RNF115: variants seen among roughly 807,000 people sequenced by gnomAD.
The protein encoded by RNF115 is E3 ubiquitin-protein ligase RNF115.
RNF115 carries 31 observed loss-of-function variants against 39.2 expected under a neutral mutation model. The ratio of observed to expected loss-of-function variants is 0.79; its 90% CI spans 0.59 to 1.07. The LOEUF is 1.07. Among genes scored for constraint, RNF115 ranks in the 50% least tolerant of loss-of-function variants. The pLI, the probability that RNF115 is intolerant of heterozygous loss-of-function variation, is 0.00. For synonymous variants in RNF115, 124 were observed against 131.0 expected, an observed-to-expected ratio of 0.95 and a Z score of 0.37; for missense variants, 384 against 381.7, an observed-to-expected ratio of 1.01 and a Z score of -0.05.
rs1477908317 is a variant in RNF115 at position 145,744,434 on chromosome 1, G to C, written c.*2432C>G. On this transcript the variant is annotated 3_prime_UTR_variant, in exon 9 of 9. Coordinates refer to ENST00000582693, the MANE Select transcript of RNF115 (RefSeq NM_014455.4). ...AACAATCACTACAGAGGTGTAATAT[G>C]GGAGGTATATGAAAAAACATATTTT... The C allele has an allele frequency of 6.6e-6, 1 of 152,178 alleles. No homozygotes were observed. The highest frequency in any genetic ancestry group is 1.5e-5 in the Non-Finnish European group (1 of 68,044). 9.4% of individuals were successfully genotyped at this position (152,178 alleles called of 1,614,324 possible). A position where few individuals can be genotyped will look rare whatever the true frequency, so the allele number is the denominator to read the frequency against.
chr1:145,792,476 C>A (rs180893296), intron 1 of RNF115, among the ~76,000 whole-genome samples: 38 of 152,168 alleles, frequency 2.5e-4, no homozygotes, highest in African/African-American at 8.9e-4. Context: ...ACCCACCATG[C>A]CTGGCCCTCA....
chr1:145,800,782 T>C (rs1299621975), intron 1 of RNF115, among the ~76,000 whole-genome samples: 1 of 152,020 alleles, frequency 6.6e-6, no homozygotes, highest in Non-Finnish European at 1.5e-5. Context: ...CACAGAAACA[T>C]GAGAGATAAT....
At position 145,745,946 on chromosome 1, in the gene RNF115, G is replaced by C. The variant is rs1657857997; in HGVS notation, c.*920C>G. 6.6e-6 allele frequency: 1 copy of C among 151,306 alleles called. No homozygotes were observed. The highest frequency in any genetic ancestry group is 2.4e-5 in the African/African-American group (1 of 41,196). 9.4% of individuals were successfully genotyped at this position (151,306 alleles called of 1,614,324 possible). On this transcript the variant is annotated 3_prime_UTR_variant, in exon 9 of 9. Transcript: ENST00000582693. ...TAGTCTTTAAAAATTAAAATAAGAG[G>C]CCAGGCGCAGTGGCTCACGCCTGTA... is the stretch of plus-strand genomic sequence containing the variant.
intron 4 of RNF115, among the ~76,000 whole-genome samples, chr1:145,760,955 T>C (rs1553713758): frequency 6.6e-6 from 1 of 152,150 alleles, no homozygotes; most frequent in Non-Finnish European, 1.5e-5. Flanking sequence ...TGGTCTCAGA[T>C]GGAGATAAGA....
intron 2 of RNF115, 107 bp from the exon 3 acceptor site, chr1:145,784,703 T>C (rs1553717917): frequency 1.1e-6 from 1 of 889,574 alleles, no homozygotes. Flanking sequence ...TAAGGAAAAA[T>C]AACTCATCCC....
chr1:145,771,638 A>T (rs1233975130), intron 4 of RNF115, 73 bp downstream of exon 4: 1 of 1,236,956 alleles, frequency 8.1e-7, no homozygotes, highest in African/African-American at 1.5e-5. Context: ...TGAGACCCTT[A>T]TAAAGATTAG....
intron 4 of RNF115, among the ~76,000 whole-genome samples, chr1:145,769,107 AT>A (rs1273255440): frequency 6.6e-5 from 10 of 152,228 alleles, no homozygotes; most frequent in African/African-American, 2.4e-4. Flanking sequence ...CTAAATAGTT[AT>A]ACTAAAATTT....
intron 1 of RNF115, among the ~76,000 whole-genome samples, chr1:145,796,575 T>G (rs782564163): frequency 9.2e-5 from 14 of 152,158 alleles, no homozygotes; most frequent in Non-Finnish European, 1.9e-4. Context: ...TTTGTAGACA[T>G]GAGGCTTCAC....
intron 1 of RNF115, among the ~76,000 whole-genome samples, chr1:145,793,616 A>G (rs1294392643): frequency 7.7e-6 from 1 of 130,624 alleles, no homozygotes; most frequent in Non-Finnish European, 1.6e-5. Context: ...GCTCTCTCAC[A>G]TGCTTTTTCT....
intron 4 of RNF115, among the ~76,000 whole-genome samples, chr1:145,761,426 G>A (rs1422075471): frequency 2.6e-5 from 4 of 152,202 alleles, no homozygotes; most frequent in Admixed American, 2.6e-4. Context: ...GCAGCCTAGG[G>A]ACTTGGTGCC....
Position 145,823,824 on chromosome 1 carries a change from G to C in RNF115, c.50C>G (p.Ala17Gly), listed in dbSNP as rs1553724941. 11 of 1,582,556 alleles carry C rather than the reference G, an allele frequency of 7.0e-6. No homozygotes were observed. Among genetic ancestry groups the C allele is most frequent in the Non-Finnish European group, 9.4e-6 (11 of 1,168,140 alleles). Residue 17 changes from alanine to glycine, a missense_variant, in exon 1 of 9, where the codon GCC (alanine) becomes GGC (glycine). Transcript: ENST00000582693. Reference protein sequence around the residue: ...AGADSGAAVAAHRFFCHFCKG... With the variant: ...AGADSGAAVAGHRFFCHFCKG... Reference sequence around the variant, plus strand: ...GCAAAAGTGGCAGAAAAACCGGTGGGCGGCTACAGCGGCGCCCGAGTCCGC... The same window carrying C: ...GCAAAAGTGGCAGAAAAACCGGTGGCCGGCTACAGCGGCGCCCGAGTCCGC...
chr1:145,808,793 G>T (rs587749134), intron 1 of RNF115, among the ~76,000 whole-genome samples: 1 of 152,212 alleles, frequency 6.6e-6, no homozygotes, highest in African/African-American at 2.4e-5. Flanking sequence ...ATTTAGCAGT[G>T]ACCATATTAA....
At chr1:145,789,617 C>T (rs1017161736) in intron 1 of RNF115, among the ~76,000 whole-genome samples, 4 of 150,990 alleles carry the variant, frequency 2.6e-5, no homozygotes, top group Admixed American at 1.3e-4. Flanking sequence ...AGGCTAGTCT[C>T]GAACTCCCGA....
intron 1 of RNF115, among the ~76,000 whole-genome samples, chr1:145,789,223 C>T (rs1553718575): frequency 6.6e-6 from 1 of 152,084 alleles, no homozygotes; most frequent in East Asian, 1.9e-4. Context: ...CTGCCTTAGC[C>T]TTCAGAGTAG....
chr1:145,762,658 C>T (rs1571719792), intron 4 of RNF115, among the ~76,000 whole-genome samples: 1 of 151,176 alleles, frequency 6.6e-6, no homozygotes, highest in Non-Finnish European at 1.5e-5. Flanking sequence ...TTATTCCATA[C>T]CAAAACAAAT....
At chr1:145,747,874 A>T (rs1553711956) in intron 8 of RNF115, 121 bp downstream of exon 8, 2 of 707,684 alleles carry the variant, frequency 2.8e-6, no homozygotes, top group African/African-American at 1.8e-5. Context: ...AACAAATAAC[A>T]GTATCAGAGT....
chr1:145,760,590 C>G (rs183028503), intron 4 of RNF115, among the ~76,000 whole-genome samples: 1 of 152,096 alleles, frequency 6.6e-6, no homozygotes, highest in African/African-American at 2.4e-5. Context: ...TTTCTCTTGC[C>G]GCCGCCATGT....
chr1:145,803,774 T>G (rs1221793141), intron 1 of RNF115, among the ~76,000 whole-genome samples: 1 of 152,214 alleles, frequency 6.6e-6, no homozygotes, highest in Non-Finnish European at 1.5e-5. Flanking sequence ...CAACCAAGCT[T>G]CTTTAGCTCA....
chr1:145,801,030 G>A (rs909955744), intron 1 of RNF115, among the ~76,000 whole-genome samples: 3 of 152,084 alleles, frequency 2.0e-5, no homozygotes, highest in Non-Finnish European at 2.9e-5. Context: ...AATTAGCTGG[G>A]CGTGGTGTTG....
Sources: allele counts gnomAD v4.1 joint callset (sites outside exome capture counted in the v4.1 genomes callset), GRCh38; gene constraint gnomAD v4.1.1; transcripts MANE v1.5; gene names NCBI Gene and HGNC (gene_info 2026-07-23, HGNC 2026-07-21).